MAPK10: variants seen among roughly 807,000 people sequenced by gnomAD.
MAPK10 encodes the protein JNK3 alpha protein kinase.
Under a neutral mutation model 59.3 loss-of-function variants are expected in MAPK10, and 25 were observed. The ratio of observed to expected loss-of-function variants is 0.42; its 90% CI spans 0.31 to 0.59. The LOEUF is 0.59. Ranked by LOEUF, MAPK10 falls within the 20% of genes least tolerant of loss-of-function variation. MAPK10 has a pLI of 0.15. For synonymous variants in MAPK10, 190 were observed against 200.5 expected (o/e 0.95, Z 0.44); for missense variants, 351 against 568.9 (o/e 0.62, Z 3.90).
chr4:86,160,215 A>G (rs2069126178), intron 3 of MAPK10: 1 of 152,108 alleles, frequency 6.6e-6, no homozygotes, highest in South Asian at 2.1e-4. Context: ...ATTTTGAACT[A>G]TAATACATAT....
chr4:86,332,737 A>G (rs1348322278), intron 2 of MAPK10: 3 of 152,190 alleles, frequency 2.0e-5, no homozygotes, highest in Non-Finnish European at 4.4e-5. Flanking sequence ...CCTAGACAAA[A>G]GCCTACGGTC....
At chr4:86,372,029 G>T (rs1223966881) in intron 1 of MAPK10, among the ~76,000 whole-genome samples, 1 of 152,070 alleles carries the variant, frequency 6.6e-6, no homozygotes, top group Non-Finnish European at 1.5e-5. Context: ...GCACCAAGTG[G>T]ACCTAATAGA....
At chr4:86,395,169 T>A (rs1016457855) in intron 1 of MAPK10, among the ~76,000 whole-genome samples, 1 of 152,210 alleles carries the variant, frequency 6.6e-6, no homozygotes, top group African/African-American at 2.4e-5. Context: ...AAGCAAAGGA[T>A]GTTACCTTTG....
intron 1 of MAPK10, among the ~76,000 whole-genome samples, chr4:86,393,277 T>C (rs1193200258): frequency 6.6e-6 from 1 of 152,196 alleles, no homozygotes; most frequent in African/African-American, 2.4e-5. Context: ...CAACTCAATT[T>C]TTGGCCATCT....
At chr4:86,525,087 C>T (rs914038022) in intron 1 of MAPK10, among the ~76,000 whole-genome samples, 1 of 151,970 alleles carries the variant, frequency 6.6e-6, no homozygotes, top group Non-Finnish European at 1.5e-5. Flanking sequence ...CGCTTGAGCT[C>T]GAGTTCGAGA....
At chr4:86,112,007 T>C (rs1397566712) in intron 4 of MAPK10, among the ~76,000 whole-genome samples, 3 of 152,224 alleles carry the variant, frequency 2.0e-5, no homozygotes, top group African/African-American at 7.2e-5. Flanking sequence ...TTTATTTGTG[T>C]AGAGTTGTTT....
intron 2 of MAPK10, among the ~76,000 whole-genome samples, chr4:86,207,426 A>ACCAT (rs2084389470): frequency 1.3e-5 from 2 of 152,146 alleles, no homozygotes; most frequent in Admixed American, 1.3e-4. Context: ...TGGTACCAGT[A>ACCAT]CCATGCTGTT....
intron 9 of MAPK10, among the ~76,000 whole-genome samples, chr4:86,070,041 T>C (rs1202313092): frequency 6.6e-6 from 1 of 152,196 alleles, no homozygotes; most frequent in Non-Finnish European, 1.5e-5. Flanking sequence ...TCAGCGCTCT[T>C]TCCTACCTTA....
At chr4:86,051,015 C>A (rs1007762943) in intron 11 of MAPK10, among the ~76,000 whole-genome samples, 1 of 152,138 alleles carries the variant, frequency 6.6e-6, no homozygotes, top group African/African-American at 2.4e-5. Context: ...AAATCAGATT[C>A]TTCTTGGAAT....
At chr4:86,383,589 A>G (rs988629526) in intron 1 of MAPK10, among the ~76,000 whole-genome samples, 1 of 152,194 alleles carries the variant, frequency 6.6e-6, no homozygotes, top group African/African-American at 2.4e-5. Flanking sequence ...TGAAATAGTT[A>G]TTGTACTTTT....
chr4:86,215,840 C>A (rs1237720009), intron 2 of MAPK10, among the ~76,000 whole-genome samples: 1 of 152,066 alleles, frequency 6.6e-6, no homozygotes, highest in Admixed American at 6.5e-5. Flanking sequence ...CCAGCCTGGG[C>A]GACAGATTGA....
chr4:86,334,682 C>A (rs184811708), intron 2 of MAPK10, among the ~76,000 whole-genome samples: 11 of 152,036 alleles, frequency 7.2e-5, no homozygotes, highest in Non-Finnish European at 1.5e-4. Flanking sequence ...TATTCCTATC[C>A]AAACACGTTT....
At chr4:86,112,161 C>A (rs1198969701) in intron 4 of MAPK10, among the ~76,000 whole-genome samples, 2 of 149,780 alleles carry the variant, frequency 1.3e-5, no homozygotes, top group East Asian at 1.9e-4. Flanking sequence ...AAAAAAAAAA[C>A]CAGCTCCTGA....
At chr4:86,054,935 G>A (rs1029129010) in intron 11 of MAPK10, among the ~76,000 whole-genome samples, 16 of 152,196 alleles carry the variant, frequency 1.1e-4, no homozygotes, top group Non-Finnish European at 1.8e-4. Flanking sequence ...TTAACTCCAT[G>A]TGAGTAGAAC....
intron 2 of MAPK10, among the ~76,000 whole-genome samples, chr4:86,279,635 A>G (rs1401304575): frequency 6.6e-6 from 1 of 152,196 alleles, no homozygotes; most frequent in African/African-American, 2.4e-5. Context: ...AAAGTGGGAC[A>G]GCTGTTTCTC....
At chr4:86,180,991 T>G (rs1221738584) in intron 3 of MAPK10, among the ~76,000 whole-genome samples, 1 of 152,020 alleles carries the variant, frequency 6.6e-6, no homozygotes. Flanking sequence ...AGGAGGATAT[T>G]GAATGTTCTC....
At chr4:86,324,293 C>T (rs2095971123) in intron 2 of MAPK10, among the ~76,000 whole-genome samples, 1 of 152,052 alleles carries the variant, frequency 6.6e-6, no homozygotes, top group Non-Finnish European at 1.5e-5. Flanking sequence ...TGCCTGTAAT[C>T]CCAGCTACTC....
intron 1 of MAPK10, among the ~76,000 whole-genome samples, chr4:86,357,360 G>T (rs937938480): frequency 4.6e-5 from 7 of 152,092 alleles, no homozygotes; most frequent in African/African-American, 1.7e-4. Context: ...TACATCCAAA[G>T]AAACAGATTC....
rs571056217 is a variant in MAPK10, at chr4:86,548,218, C to T, written c.-263+45692G>A. On this transcript the variant is annotated intron_variant, in intron 1 of 4. Transcript: ENST00000502302. ...ACCGGGAGGAACAAACAACTCCAGA[C>T]GCGCTGCCTTAAGAGCTGTAACACT... 2.3e-3 allele frequency among the ~76,000 whole-genome samples: 346 copies of T among 152,094 alleles called. 13 individuals carry two copies. The South Asian group carries it at 0.06, about 26-fold the overall frequency.
Sources: gnomAD v4.1 joint callset for allele counts (sites outside exome capture counted in the v4.1 genomes callset) on GRCh38, gnomAD v4.1.1 for gene constraint, MANE v1.5 for transcripts, NCBI Gene and HGNC (gene_info 2026-07-23, HGNC 2026-07-21) for gene names.